The following WDR36 variants were observed in gnomAD, a reference collection of about 807,000 sequenced individuals.
The protein encoded by WDR36 is WD repeat-containing protein 36.
Under a neutral mutation model 112.7 loss-of-function variants are expected in WDR36, and 63 were observed. The observed-to-expected ratio is 0.56, with a 90% confidence interval of 0.46 to 0.69. The LOEUF (loss-of-function observed/expected upper bound fraction) is 0.69. Among genes scored for constraint, WDR36 ranks in the 30% least tolerant of loss-of-function variants. The probability of loss-of-function intolerance (pLI) is 0.00; values close to 1 mark genes in which losing one functional copy is unlikely to be tolerated. For synonymous variants in WDR36, 410 were observed against 362.2 expected (o/e 1.13, Z -1.50); for missense variants, 1,226 against 1,070.3 (o/e 1.15, Z -2.03).
At chr5:111,098,922 C>A in intron 4 of WDR36, 83 bp downstream of exon 4, 2 of 1,016,546 alleles carry the variant, frequency 2.0e-6, no homozygotes, top group East Asian at 4.8e-5. Flanking sequence ...ACATCTATGC[C>A]AGAGATTTTG....
At chr5:111,100,247 T>C (rs1257752899) in intron 4 of WDR36, among the ~76,000 whole-genome samples, 1 of 152,016 alleles carries the variant, frequency 6.6e-6, no homozygotes, top group Non-Finnish European at 1.5e-5. Flanking sequence ...CTCCTGTCTG[T>C]TGATCAAATT....
At chr5:111,108,778 T>C (rs1020355062) in intron 12 of WDR36, among the ~76,000 whole-genome samples, 4 of 151,138 alleles carry the variant, frequency 2.6e-5, no homozygotes, top group Admixed American at 6.6e-5. Flanking sequence ...ATGAAGCGAG[T>C]AAGGGGCAGA....
chr5:111,113,314 A>G (rs1451128526), intron 16 of WDR36, among the ~76,000 whole-genome samples, 161 bp downstream of exon 16: 3 of 151,896 alleles, frequency 2.0e-5, no homozygotes, highest in Non-Finnish European at 4.4e-5. Context: ...AGTGTTTTTG[A>G]TAACTAAACA....
intron 19 of WDR36, 111 bp downstream of exon 19, chr5:111,121,252 T>C (rs182785023): frequency 1.8e-6 from 2 of 1,130,082 alleles, no homozygotes; most frequent in Admixed American, 1.8e-5. Context: ...GCAATTAATA[T>C]GTAAGACAGC....
chr5:111,105,358 A>T lies in WDR36; in HGVS notation c.1091A>T (p.His364Leu). 6.2e-7 allele frequency: 1 copy of T among 1,609,548 alleles called. No homozygotes were observed. The change falls in exon 10 of 23, where the codon CAT (histidine) becomes CTT (leucine). Residue 364 changes from histidine to leucine, a missense_variant and splice_region_variant. His to Leu is a moderately conservative substitution (Grantham distance 99, BLOSUM62 -3). Coordinates refer to ENST00000513710, the MANE Select transcript of WDR36 (RefSeq NM_139281.3). ...VHEKFNKSLG[H>L]GLINKKRVKR... ...GAAAAATTCAATAAGAGCTTGGGAC[A>T]TGGTAGGTCCTCTACAAGACAAAAT...
intron 19 of WDR36, among the ~76,000 whole-genome samples, chr5:111,122,978 A>G (rs1212697807): frequency 6.6e-6 from 1 of 152,082 alleles, no homozygotes; most frequent in Non-Finnish European, 1.5e-5. Context: ...GGCATGTTGT[A>G]CGTGCCTGTA....
rs767547939 is a variant in WDR36, at chr5:111,092,523, T to C, written c.67T>C (p.Phe23Leu). The C allele has an allele frequency of 1.2e-6, 2 of 1,614,224 alleles. No homozygotes were observed. The highest frequency in any genetic ancestry group is 2.2e-5 in the East Asian group (1 of 44,882). Residue 23 changes from phenylalanine (F) to leucine (L), a missense_variant, in exon 1 of 23, where the codon TTC becomes CTC. Phe to Leu is a conservative substitution (Grantham distance 22). Coordinates refer to ENST00000513710, the MANE Select transcript of WDR36 (RefSeq NM_139281.3). ...TGCGGGGTTCCGGGCCTTGGGACTT[T>C]TCAGCAACGACATTCCACACGTGGT... The part of the protein sequence containing the change: ...LFAGFRALGL[F>L]SNDIPHVVRF...
chr5:111,121,500 G>A (rs1231927327), intron 19 of WDR36, among the ~76,000 whole-genome samples: 3 of 152,112 alleles, frequency 2.0e-5, no homozygotes, highest in Admixed American at 1.3e-4. Context: ...TCTACTGCTA[G>A]TCATTTGAGA....
At chr5:111,116,797 A>G (rs1753465471) in intron 16 of WDR36, among the ~76,000 whole-genome samples, 1 of 152,220 alleles carries the variant, frequency 6.6e-6, no homozygotes, top group Non-Finnish European at 1.5e-5. Context: ...AGCTGTGGAA[A>G]TGAAGTTACA....
At chr5:111,124,906 A>G (rs969447263) in intron 21 of WDR36, among the ~76,000 whole-genome samples, 5 of 152,218 alleles carry the variant, frequency 3.3e-5, no homozygotes, top group Non-Finnish European at 7.4e-5. Context: ...ATTGTTTACT[A>G]TATACTGAAG....
At position 111,127,031 on chromosome 5, in the gene WDR36, TC is replaced by T; in HGVS notation, c.*149del. Reference sequence around the variant, plus strand: ...TCTCCACTTTAAATGCTAAATACTTTCTTGAAATAAAATCGCACCTCCCGGC... The same window carrying T: ...TCTCCACTTTAAATGCTAAATACTTTTTGAAATAAAATCGCACCTCCCGGC... On this transcript the variant is annotated 3_prime_UTR_variant, in exon 23 of 23. Coordinates refer to ENST00000513710, the MANE Select transcript of WDR36 (RefSeq NM_139281.3). The T allele has an allele frequency of 1.3e-6, 1 of 790,388 alleles. No homozygotes were observed. Among genetic ancestry groups the T allele is most frequent in the Non-Finnish European group, 1.9e-6 (1 of 522,778 alleles). 49.0% of individuals were successfully genotyped at this position (790,388 alleles called of 1,614,324 possible).
chr5:111,099,564 T>C (rs1753077289), intron 4 of WDR36, among the ~76,000 whole-genome samples: 1 of 151,466 alleles, frequency 6.6e-6, no homozygotes, highest in Non-Finnish European at 1.5e-5. Flanking sequence ...TCTTGTTTTG[T>C]TTTTGCTCAA....
intron 7 of WDR36, 54 bp downstream of exon 7, chr5:111,103,972 T>C (rs924458762): frequency 6.3e-7 from 1 of 1,599,252 alleles, no homozygotes; most frequent in Non-Finnish European, 8.5e-7. Flanking sequence ...AATTCATTAC[T>C]TTAAAAGTCA....
Position 111,129,698 on chromosome 5 carries a change from T to C in WDR36, c.*2815T>C, listed in dbSNP as rs1753749779. The C allele has an allele frequency of 5.0e-6, 1 of 200,664 alleles. No individual in the cohort carries two copies. The highest frequency in any genetic ancestry group is 1.9e-4 in the South Asian group (1 of 5,252). The allele number at this position is 200,664 out of a possible 1,614,324, so 12.4% of individuals were successfully genotyped here. ...TCTGTTTAAATAAATGTTTTATATT[T>C]GTATACAATCAAATTGATTAATTTT... On this transcript the variant is annotated 3_prime_UTR_variant, in exon 23 of 23. Transcript: ENST00000513710.
chr5:111,113,052 ATTTT>A lies in WDR36; in HGVS notation c.1717-13_1717-10del, dbSNP rs201180028. On this transcript the variant is annotated intron_variant, in intron 15 of 22. Coordinates refer to ENST00000513710, the MANE Select transcript of WDR36 (RefSeq NM_139281.3). ...ATATAAATAATATATATATATATAT[ATTTT>A]TTTTTTTTAATTTAAAGGCTTTTAG... 4.4e-3 allele frequency: 2,079 copies of A among 473,156 alleles called. 50 individuals carry two copies. Among genetic ancestry groups the A allele is most frequent in the Middle Eastern group, 0.01 (19 of 1,872 alleles). 29.3% of individuals were successfully genotyped at this position (473,156 alleles called of 1,614,324 possible).
intron 16 of WDR36, among the ~76,000 whole-genome samples, chr5:111,118,539 C>G (rs1753501846): frequency 6.6e-6 from 1 of 152,142 alleles, no homozygotes; most frequent in Non-Finnish European, 1.5e-5. Flanking sequence ...TACAGTTGCT[C>G]AAAAGCTTTT....
chr5:111,106,949 T>C (rs1407560258), intron 11 of WDR36, among the ~76,000 whole-genome samples: 2 of 151,418 alleles, frequency 1.3e-5, no homozygotes, highest in African/African-American at 4.8e-5. Flanking sequence ...AGCCATTTAC[T>C]TTCCCCAAAT....
intron 4 of WDR36, among the ~76,000 whole-genome samples, chr5:111,099,465 T>G (rs1231025738): frequency 1.4e-3 from 19 of 13,362 alleles, no homozygotes; most frequent in African/African-American, 3.2e-3. Context: ...TTTTTTTTGT[T>G]TTTTTTTTTT....
intron 1 of WDR36, among the ~76,000 whole-genome samples, chr5:111,093,234 A>AT (rs1445292542): frequency 6.6e-6 from 1 of 152,138 alleles, no homozygotes; most frequent in African/African-American, 2.4e-5. Context: ...GTTAGTGATG[A>AT]TTTTTTCTCC....
Sources: allele counts gnomAD v4.1 joint callset (sites outside exome capture counted in the v4.1 genomes callset), GRCh38; gene constraint gnomAD v4.1.1; transcripts MANE v1.5; gene names NCBI Gene and HGNC (gene_info 2026-07-23, HGNC 2026-07-21).